Variants in ARID4B observed in about 807,000 individuals in gnomAD.
The protein encoded by ARID4B is AT-rich interaction domain 4B.
A neutral mutation model predicts 147.5 loss-of-function variants in ARID4B; 26 were observed. That is an observed-to-expected ratio of 0.18 (90% confidence interval 0.13 to 0.24). The LOEUF is 0.24. Among genes scored for constraint, ARID4B ranks in the 10% least tolerant of loss-of-function variants. The probability of loss-of-function intolerance (pLI) is 1.00; values close to 1 mark genes in which losing one functional copy is unlikely to be tolerated. For missense variants in ARID4B, 1,179 were observed against 1,511.5 expected (o/e 0.78, Z 3.65); for synonymous variants, 512 against 507.9 (o/e 1.01, Z -0.11).
chr1:235,308,397 G>A (rs944642713), intron 2 of ARID4B, among the ~76,000 whole-genome samples: 5 of 151,340 alleles, frequency 3.3e-5, no homozygotes, highest in African/African-American at 9.7e-5. Context: ...ATGAGCCACC[G>A]CTCCCAGCCT....
At chr1:235,218,888 C>CA (rs1667263473) in intron 16 of ARID4B, among the ~76,000 whole-genome samples, 1 of 119,736 alleles carries the variant, frequency 8.4e-6, no homozygotes. Context: ...TTTTTTGAGA[C>CA]AGAGTCTCAC....
chr1:235,252,634 T>C (rs1382760857), intron 6 of ARID4B, 96 bp downstream of exon 6: 3 of 970,712 alleles, frequency 3.1e-6, no homozygotes, highest in African/African-American at 3.3e-5. Flanking sequence ...TGAACTTTCC[T>C]GATTAGGAAG....
chr1:235,247,018 T>A (rs968460608), intron 6 of ARID4B, among the ~76,000 whole-genome samples: 27 of 152,120 alleles, frequency 1.8e-4, no homozygotes, highest in Admixed American at 1.3e-3. Context: ...CTGCAAACAT[T>A]TTCTGCAATA....
chr1:235,262,266 T>A (rs913774401), intron 2 of ARID4B, among the ~76,000 whole-genome samples: 1 of 152,196 alleles, frequency 6.6e-6, no homozygotes, highest in African/African-American at 2.4e-5. Context: ...ATTCTAGTGC[T>A]ATAACAGGAG....
rs546979817 is a variant in ARID4B at position 235,323,199 on chromosome 1, A to G, written c.6+3715T>C. 1.3e-3 allele frequency among the ~76,000 whole-genome samples: 193 copies of G among 151,990 alleles called. 1 individual carries two copies. The highest frequency in any genetic ancestry group is 4.6e-3 in the African/African-American group (189 of 41,452). Reference sequence around the variant, plus strand: ...AATACAGGCATGCGCCACCATGCCCAGCTAATTTTTTTATACTTTTAGTAG... The same window carrying G: ...AATACAGGCATGCGCCACCATGCCCGGCTAATTTTTTTATACTTTTAGTAG... On this transcript the variant is annotated intron_variant, in intron 2 of 23. Coordinates refer to ENST00000264183, the MANE Select transcript of ARID4B (RefSeq NM_016374.6).
At chr1:235,311,637 G>A (rs1220842868) in intron 2 of ARID4B, among the ~76,000 whole-genome samples, 1 of 151,970 alleles carries the variant, frequency 6.6e-6, no homozygotes, top group Non-Finnish European at 1.5e-5. Flanking sequence ...AGCTGGGTGT[G>A]ATGGCACGGG....
chr1:235,311,026 C>G (rs1373805677), intron 2 of ARID4B, among the ~76,000 whole-genome samples: 1 of 152,036 alleles, frequency 6.6e-6, no homozygotes, highest in African/African-American at 2.4e-5. Flanking sequence ...ACAGCATAAG[C>G]TTTTTTAGAA....
intron 17 of ARID4B, among the ~76,000 whole-genome samples, chr1:235,208,427 A>T (rs1666469772): frequency 1.3e-5 from 2 of 152,136 alleles, no homozygotes; most frequent in South Asian, 2.1e-4. Context: ...GCAGAACTAA[A>T]TTTTTTTTAA....
At chr1:235,284,884 A>G (rs1438954506) in intron 2 of ARID4B, among the ~76,000 whole-genome samples, 5 of 151,020 alleles carry the variant, frequency 3.3e-5, no homozygotes, top group African/African-American at 7.3e-5. Flanking sequence ...ATCCCTCATG[A>G]GCAAAAATGC....
Position 235,260,714 on chromosome 1 carries a change from A to G in ARID4B, c.45T>C (p.Asp15=), listed in dbSNP as rs753627327. The G allele has an allele frequency of 1.9e-6, 3 of 1,611,370 alleles. No individual in the cohort carries two copies. Among genetic ancestry groups the G allele is most frequent in the East Asian group, 2.2e-5 (1 of 44,788 alleles). Residue 15 remains aspartate (D), a synonymous_variant, in exon 3 of 24, where the codon GAT becomes GAC. Coordinates refer to ENST00000264183, the MANE Select transcript of ARID4B (RefSeq NM_016374.6). The part of the protein sequence containing the change: ...DEPPYLTVGT[D]VSAKYRGAFC... ...AGGCTCCTCTGTATTTAGCACTCACATCAGTGCCCACTGTCAAATAGGGAG... is the reference window on the plus strand; with the variant it reads ...AGGCTCCTCTGTATTTAGCACTCACGTCAGTGCCCACTGTCAAATAGGGAG...
At chr1:235,185,299 T>C (rs1330311317) in intron 19 of ARID4B, among the ~76,000 whole-genome samples, 2 of 152,232 alleles carry the variant, frequency 1.3e-5, no homozygotes, top group African/African-American at 4.8e-5. Context: ...TAAACTTCCT[T>C]TCTTATACAG....
intron 2 of ARID4B, among the ~76,000 whole-genome samples, chr1:235,318,543 G>A (rs1674602217): frequency 6.6e-6 from 1 of 152,084 alleles, no homozygotes; most frequent in African/African-American, 2.4e-5. Flanking sequence ...ATGTATTACA[G>A]GATTCCGTTA....
At chr1:235,252,284 T>C (rs1178952621) in intron 6 of ARID4B, among the ~76,000 whole-genome samples, 1 of 152,150 alleles carries the variant, frequency 6.6e-6, no homozygotes. Context: ...TGATAAGGAA[T>C]GGAAGGGACA....
intron 20 of ARID4B, among the ~76,000 whole-genome samples, chr1:235,179,780 A>G (rs1461998215): frequency 1.3e-5 from 2 of 151,564 alleles, no homozygotes; most frequent in Non-Finnish European, 2.9e-5. Context: ...CTTAAAAACT[A>G]CAACAATAGG....
intron 2 of ARID4B, among the ~76,000 whole-genome samples, chr1:235,296,837 G>GGAAGGAAA (rs1672764844): frequency 8.5e-6 from 1 of 117,416 alleles, no homozygotes; most frequent in Non-Finnish European, 1.8e-5. Flanking sequence ...AAGGAAGGAA[G>GGAAGGAAA]GGAGGAAGGA....
chr1:235,223,382 T>TATACACACGTGTATATATATATATATAC, intron 12 of ARID4B, 122 bp from the exon 13 acceptor site: 1 of 213,204 alleles, frequency 4.7e-6, no homozygotes, highest in Non-Finnish European at 9.0e-6. Context: ...TATATATATA[T>TATACACACGTGTATATATATATATATAC]ACACGTATAT....
At chr1:235,322,231 TTGGCCAGGC>T (rs1459829605) in intron 2 of ARID4B, among the ~76,000 whole-genome samples, 1 of 151,884 alleles carries the variant, frequency 6.6e-6, no homozygotes, top group African/African-American at 2.4e-5. Flanking sequence ...TTTCACCATG[TTGGCCAGGC>T]TGGTATAGAA....
intron 2 of ARID4B, among the ~76,000 whole-genome samples, chr1:235,312,113 C>A (rs1674089104): frequency 1.3e-5 from 2 of 152,038 alleles, no homozygotes; most frequent in African/African-American, 4.8e-5. Context: ...CATGGTGAAA[C>A]CCTGTCTACT....
chr1:235,299,470 C>A (rs770042593), intron 2 of ARID4B, among the ~76,000 whole-genome samples: 1 of 152,164 alleles, frequency 6.6e-6, no homozygotes, highest in Admixed American at 6.6e-5. Flanking sequence ...AGATTAAAGG[C>A]GTGAGCCACT....
Sources: allele counts gnomAD v4.1 joint callset (sites outside exome capture counted in the v4.1 genomes callset), GRCh38; gene constraint gnomAD v4.1.1; transcripts MANE v1.5; gene names NCBI Gene and HGNC (gene_info 2026-07-23, HGNC 2026-07-21).